ELMO1: variants seen among roughly 807,000 people sequenced by gnomAD.
The protein encoded by ELMO1 is engulfment and cell motility 1, also known as engulfment and cell motility protein 1.
In ELMO1, 26 loss-of-function variants were observed where a neutral mutation model predicts 98.9. That is an observed-to-expected ratio of 0.26 (90% confidence interval 0.19 to 0.36). The LOEUF (loss-of-function observed/expected upper bound fraction) is 0.36. ELMO1 is among the 10% of genes least tolerant of loss of function. The pLI, the probability that ELMO1 is intolerant of heterozygous loss-of-function variation, is 1.00. For synonymous variants in ELMO1, 346 were observed against 346.0 expected, an observed-to-expected ratio of 1.00 and a Z score of 0.00; for missense variants, 627 against 935.2, an observed-to-expected ratio of 0.67 and a Z score of 4.30.
At chr7:36,909,218 T>C (rs868271311) in intron 16 of ELMO1, among the ~76,000 whole-genome samples, 2 of 152,226 alleles carry the variant, frequency 1.3e-5, no homozygotes, top group African/African-American at 4.8e-5. Context: ...ATAGCTCCTA[T>C]TGAGTAGTAA....
chr7:36,901,173 T>G (rs1455956862), intron 16 of ELMO1, among the ~76,000 whole-genome samples: 1 of 152,180 alleles, frequency 6.6e-6, no homozygotes, highest in Non-Finnish European at 1.5e-5. Context: ...AAACTCAAAA[T>G]AGTTTCACTT....
At chr7:37,357,350 C>G (rs1801534234) in intron 1 of ELMO1, among the ~76,000 whole-genome samples, 1 of 152,156 alleles carries the variant, frequency 6.6e-6, no homozygotes, top group Non-Finnish European at 1.5e-5. Flanking sequence ...AGGTATCACA[C>G]CCTTCCCTGC....
intron 15 of ELMO1, among the ~76,000 whole-genome samples, chr7:37,054,986 G>T (rs139161211): frequency 1.3e-5 from 2 of 152,314 alleles, no homozygotes; most frequent in Non-Finnish European, 2.9e-5. Context: ...GAATGCTACT[G>T]CTTAAAAACA....
intron 15 of ELMO1, among the ~76,000 whole-genome samples, chr7:37,065,817 C>T (rs1426556869): frequency 6.6e-6 from 1 of 152,172 alleles, no homozygotes; most frequent in Non-Finnish European, 1.5e-5. Flanking sequence ...TTCACGCAAT[C>T]TGGGAAAAAG....
In ELMO1 at chr7:37,315,616, C is replaced by G. The variant is rs75650386; in HGVS notation, c.119+304G>C. Reference sequence around the variant, plus strand: ...CAGTTTATACCAGATCAAGTGTATACTGTGTCCTCAAAAACCTTTAGAGTA... The same window carrying G: ...CAGTTTATACCAGATCAAGTGTATAGTGTGTCCTCAAAAACCTTTAGAGTA... On this transcript the variant is annotated intron_variant, in intron 3 of 21. Transcript: ENST00000310758. Among the ~76,000 whole-genome samples the G allele has an allele frequency of 5.7e-3, 869 of 152,326 alleles. 4 individuals are homozygous for G. Among genetic ancestry groups the G allele is most frequent in the African/African-American group, 9.1e-3 (379 of 41,566 alleles).
At chr7:36,974,586 C>T (rs577001555) in intron 16 of ELMO1, among the ~76,000 whole-genome samples, 20 of 152,206 alleles carry the variant, frequency 1.3e-4, no homozygotes, top group African/African-American at 3.6e-4. Flanking sequence ...ATTGTAAACG[C>T]ACCAATCAGC....
chr7:37,342,486 T>C lies in ELMO1; in HGVS notation c.78+127A>G. 2.1e-6 allele frequency: 2 copies of C among 962,944 alleles called. No homozygotes were observed. The highest frequency in any genetic ancestry group is 3.3e-6 in the Non-Finnish European group (2 of 600,292). 59.6% of individuals were successfully genotyped at this position (962,944 alleles called of 1,614,324 possible). Reference sequence around the variant, plus strand: ...ACAGAAATCAAGCACATTGCAACTATTATTGCACAGATTTTTCAACACAGC... The same window carrying C: ...ACAGAAATCAAGCACATTGCAACTACTATTGCACAGATTTTTCAACACAGC... On this transcript the variant is annotated intron_variant, in intron 2 of 21. Transcript: ENST00000310758. This position sits in a 1 kb window ranked among gnomAD's most constrained non-coding sequence, Gnocchi z 4.3.
chr7:37,166,315 C>T (rs183967346), intron 13 of ELMO1, among the ~76,000 whole-genome samples: 18 of 151,982 alleles, frequency 1.2e-4, no homozygotes, highest in Non-Finnish European at 2.5e-4. Flanking sequence ...ATTTTTGAAG[C>T]GTTTTTTGTG....
At chr7:36,997,325 G>T (rs1792295609) in intron 16 of ELMO1, among the ~76,000 whole-genome samples, 1 of 152,132 alleles carries the variant, frequency 6.6e-6, no homozygotes, top group African/African-American at 2.4e-5. Flanking sequence ...TTTTCTTTTG[G>T]TGGTATTTAT....
rs1233218668 is a variant in ELMO1, at chr7:37,022,022, A to G, written c.1301-8587T>C. Among the ~76,000 whole-genome samples the G allele has an allele frequency of 3.7e-4, 56 of 152,192 alleles. 1 individual carries two copies. The highest frequency in any genetic ancestry group is 3.7e-3 in the Admixed American group (56 of 15,274). ...TGACACTGCAGTGGAAAGGAATTTC[A>G]ATTGGTTGAATTGGGCCAGTTGTAT... On this transcript the variant is annotated intron_variant, in intron 15 of 21. Coordinates refer to ENST00000310758, the MANE Select transcript of ELMO1 (RefSeq NM_014800.11).
intron 5 of ELMO1, among the ~76,000 whole-genome samples, chr7:37,260,452 CA>C (rs1795921525): frequency 6.6e-6 from 1 of 152,076 alleles, no homozygotes; most frequent in Admixed American, 6.5e-5. Flanking sequence ...GTATCGAAGG[CA>C]AAACCAGTGC....
At chr7:37,285,729 C>G (rs1289714304) in intron 4 of ELMO1, among the ~76,000 whole-genome samples, 3 of 152,112 alleles carry the variant, frequency 2.0e-5, no homozygotes, top group African/African-American at 4.8e-5. Flanking sequence ...TTTGCCCAAC[C>G]CAGCCAATGA....
intron 1 of ELMO1, among the ~76,000 whole-genome samples, chr7:37,390,273 T>C (rs1803011508): frequency 6.6e-6 from 1 of 152,226 alleles, no homozygotes; most frequent in Admixed American, 6.5e-5. Flanking sequence ...TCTTCACAGC[T>C]GTCAGGCTTG....
chr7:36,986,605 C>T (rs1310464183), intron 16 of ELMO1: 1 of 152,174 alleles, frequency 6.6e-6, no homozygotes, highest in African/African-American at 2.4e-5. Flanking sequence ...GAGTTGGATT[C>T]GTGCAGAACA....
chr7:36,895,287 T>C (rs548632961), intron 16 of ELMO1, among the ~76,000 whole-genome samples: 1 of 152,356 alleles, frequency 6.6e-6, no homozygotes, highest in South Asian at 2.1e-4. Flanking sequence ...CTCCACTTGC[T>C]TGACACATTA....
chr7:37,246,309 A>G (rs1178615946), intron 6 of ELMO1, among the ~76,000 whole-genome samples: 1 of 152,230 alleles, frequency 6.6e-6, no homozygotes, highest in Non-Finnish European at 1.5e-5. Flanking sequence ...AGAAATGTCA[A>G]TGCCAAAACT....
intron 16 of ELMO1, among the ~76,000 whole-genome samples, chr7:36,996,932 C>A (rs552968033): frequency 6.6e-6 from 1 of 152,268 alleles, no homozygotes; most frequent in Non-Finnish European, 1.5e-5. Context: ...TGGTTTAGGA[C>A]AGAATGTGGA....
intron 14 of ELMO1, among the ~76,000 whole-genome samples, chr7:37,117,584 T>C (rs1563012431): frequency 6.6e-6 from 1 of 152,182 alleles, no homozygotes; most frequent in Non-Finnish European, 1.5e-5. Flanking sequence ...TTAGTAAATC[T>C]AATCACATAT....
chr7:37,108,669 C>T (rs926536597), intron 14 of ELMO1, among the ~76,000 whole-genome samples: 7 of 152,210 alleles, frequency 4.6e-5, no homozygotes, highest in African/African-American at 1.4e-4. Flanking sequence ...CTTACCTTCC[C>T]TGATAGAGTC....
Sources: gnomAD v4.1 joint callset for allele counts (sites outside exome capture counted in the v4.1 genomes callset) on GRCh38, gnomAD v4.1.1 for gene constraint, Gnocchi (gnomAD v3.1) non-coding constraint, MANE v1.5 for transcripts, NCBI Gene and HGNC (gene_info 2026-07-23, HGNC 2026-07-21) for gene names.